Variants in WAC observed in about 807,000 individuals in gnomAD.
The protein encoded by WAC is WW domain containing adaptor with coiled-coil, also known as WW domain-containing adapter protein with coiled-coil.
Under a neutral mutation model 79.6 loss-of-function variants are expected in WAC, and 11 were observed. The observed-to-expected ratio is 0.14, with a 90% CI of 0.09 to 0.23. The LOEUF (loss-of-function observed/expected upper bound fraction) is 0.23, where lower values mean the gene tolerates loss of function less well. Ranked by LOEUF, WAC falls within the 10% of genes least tolerant of loss-of-function variation. The pLI is 1.00. For missense variants in WAC, 728 were observed against 773.5 expected, an observed-to-expected ratio of 0.94 and a Z score of 0.70; for synonymous variants, 304 against 276.9, an observed-to-expected ratio of 1.10 and a Z score of -0.97.
At chr10:28,536,942 T>C (rs1293516031) in intron 3 of WAC, among the ~76,000 whole-genome samples, 1 of 152,216 alleles carries the variant, frequency 6.6e-6, no homozygotes, top group Admixed American at 6.5e-5. Context: ...TGGCAGCTAG[T>C]TCTTCAATAC....
intron 6 of WAC, 155 bp downstream of exon 6, chr10:28,590,987 T>G (rs1408856945): frequency 5.8e-6 from 4 of 683,980 alleles, no homozygotes; most frequent in African/African-American, 3.7e-5. Flanking sequence ...TCCACCATTT[T>G]GGTCCCTGAA....
At chr10:28,584,117 C>T (rs1046898273) in intron 4 of WAC, among the ~76,000 whole-genome samples, 2 of 151,930 alleles carry the variant, frequency 1.3e-5, no homozygotes, top group Non-Finnish European at 2.9e-5. Flanking sequence ...GGAATGTGGC[C>T]CATCTTAAAG....
At chr10:28,550,998 TC>T (rs755855013) in intron 3 of WAC, among the ~76,000 whole-genome samples, 35 of 152,312 alleles carry the variant, frequency 2.3e-4, no homozygotes, top group Non-Finnish European at 4.4e-4. Context: ...ATTTTATTGT[TC>T]CTTTTCCAAA....
Position 28,611,851 on chromosome 10 carries a change from A to G in WAC, c.1366A>G (p.Ser456Gly). Reference protein sequence around the residue: ...SPRSYVSPRISTPQTNTVPIK... With the variant: ...SPRSYVSPRIGTPQTNTVPIK... Reference sequence around the variant, plus strand: ...AAGATCATATGTTTCTCCAAGAATAAGCACACCTCAAACTAACACAGTCCC... The same window carrying G: ...AAGATCATATGTTTCTCCAAGAATAGGCACACCTCAAACTAACACAGTCCC... Residue 456 changes from serine (S) to glycine (G), a missense_variant, in exon 10 of 14, where the codon AGC (serine) becomes GGC (glycine). This residue lies in a region of WAC where 648 missense variants were observed against 661.5 expected (regional missense o/e 0.98). Transcript: ENST00000354911. 1 of 1,614,158 alleles carries G rather than the reference A, an allele frequency of 6.2e-7. No individual in the cohort carries two copies. The highest frequency in any genetic ancestry group is 8.5e-7 in the Non-Finnish European group (1 of 1,180,028).
intron 7 of WAC, among the ~76,000 whole-genome samples, chr10:28,601,738 A>T (rs1349521883): frequency 1.3e-5 from 2 of 152,220 alleles, no homozygotes; most frequent in African/African-American, 2.4e-5. Context: ...TGAAATTCTG[A>T]TACATGCTAC....
At chr10:28,587,657 G>GT (rs1442556433) in intron 4 of WAC, among the ~76,000 whole-genome samples, 1 of 152,172 alleles carries the variant, frequency 6.6e-6, no homozygotes, top group Non-Finnish European at 1.5e-5. Flanking sequence ...CATCGGCATT[G>GT]TAAAAATTAT....
intron 3 of WAC, among the ~76,000 whole-genome samples, chr10:28,574,095 CA>C (rs1396902184): frequency 7.0e-6 from 1 of 143,746 alleles, no homozygotes; most frequent in Admixed American, 7.2e-5. Flanking sequence ...ATTTTCTTGT[CA>C]ATTGGTAAAC....
chr10:28,616,154 A>G lies in WAC; in HGVS notation c.1557-19A>G, dbSNP rs780280175. The stretch of plus-strand genomic sequence containing the variant: ...GAAACTACTTTTAAACATACTACAC[A>G]TTCAATTCTGTTTTCTAGTAGCCAG... On this transcript the variant is annotated intron_variant, in intron 11 of 13. Coordinates refer to ENST00000354911, the MANE Select transcript of WAC (RefSeq NM_016628.5). 14 of 1,565,908 alleles carry G rather than the reference A, an allele frequency of 8.9e-6. No individual in the cohort carries two copies. The highest frequency in any genetic ancestry group is 1.2e-5 in the Non-Finnish European group (14 of 1,150,070).
intron 3 of WAC, among the ~76,000 whole-genome samples, chr10:28,574,257 C>T (rs900347363): frequency 2.0e-5 from 3 of 152,180 alleles, no homozygotes; most frequent in African/African-American, 7.2e-5. Flanking sequence ...CAGTGATTCT[C>T]CTGCCTCTGC....
At chr10:28,612,010 C>A in intron 10 of WAC, 88 bp downstream of exon 10, 1 of 1,491,208 alleles carries the variant, frequency 6.7e-7, no homozygotes, top group South Asian at 1.3e-5. Flanking sequence ...AGAAAAAGCC[C>A]TCTGAGAATG....
intron 1 of WAC, 40 bp from the exon 2 acceptor site, chr10:28,533,958 G>C (rs755863489): frequency 6.9e-6 from 11 of 1,603,422 alleles, no homozygotes; most frequent in Admixed American, 1.7e-5. Flanking sequence ...CCCCACCCGC[G>C]CCGTGTCTTA....
At chr10:28,568,825 G>A (rs538891196) in intron 3 of WAC, among the ~76,000 whole-genome samples, 2 of 152,118 alleles carry the variant, frequency 1.3e-5, no homozygotes, top group East Asian at 1.9e-4. Flanking sequence ...GCCCACCTTG[G>A]CCTCCCAAAG....
chr10:28,572,622 G>A (rs1294278700), intron 3 of WAC, among the ~76,000 whole-genome samples: 2 of 151,938 alleles, frequency 1.3e-5, no homozygotes, highest in Non-Finnish European at 2.9e-5. Flanking sequence ...ACCAGCCTGG[G>A]CAATATGGTG....
intron 7 of WAC, among the ~76,000 whole-genome samples, chr10:28,600,313 TC>T (rs1840578801): frequency 2.0e-5 from 3 of 152,132 alleles, no homozygotes; most frequent in Admixed American, 2.0e-4. Flanking sequence ...AAGTAAAATT[TC>T]CTTCTGTTTT....
chr10:28,601,794 A>C (rs1840661147), intron 7 of WAC, among the ~76,000 whole-genome samples: 1 of 152,218 alleles, frequency 6.6e-6, no homozygotes, highest in East Asian at 1.9e-4. Flanking sequence ...AGCCAGGAGC[A>C]GGACACATAT....
chr10:28,550,303 T>A (rs924641501), intron 3 of WAC, among the ~76,000 whole-genome samples: 10 of 151,886 alleles, frequency 6.6e-5, no homozygotes, highest in African/African-American at 9.7e-5. Flanking sequence ...TTTTTTTTTT[T>A]ATGCTGTTGT....
At chr10:28,539,255 C>T (rs945103325) in intron 3 of WAC, among the ~76,000 whole-genome samples, 1 of 152,090 alleles carries the variant, frequency 6.6e-6, no homozygotes, top group Non-Finnish European at 1.5e-5. Context: ...TATGAAAGGA[C>T]TTGCAGATAC....
chr10:28,611,610 G>A (rs1841239905), intron 9 of WAC, 164 bp from the exon 10 acceptor site: 1 of 1,234,228 alleles, frequency 8.1e-7, no homozygotes, highest in African/African-American at 1.5e-5. Context: ...GTGGCCCAGT[G>A]AGAAGGTCAG....
At chr10:28,588,734 T>A (rs1839941880) in intron 4 of WAC, 1 of 152,214 alleles carries the variant, frequency 6.6e-6, no homozygotes. Context: ...AAATATTTTT[T>A]AATTTTTCTA....
Sources: gnomAD v4.1 joint callset for allele counts (sites outside exome capture counted in the v4.1 genomes callset) on GRCh38, gnomAD v4.1.1 for gene constraint, gnomAD v4.1.1 regional missense constraint, MANE v1.5 for transcripts, NCBI Gene and HGNC (gene_info 2026-07-23, HGNC 2026-07-21) for gene names.